Variants in GYPB observed in about 807,000 individuals in gnomAD.
GYPB encodes the protein glycophorin-B.
GYPB carries 13 observed loss-of-function variants against 15.3 expected under a neutral mutation model. The ratio of observed to expected loss-of-function variants is 0.85; its 90% CI spans 0.55 to 1.35. GYPB has a LOEUF of 1.35. Among genes scored for constraint, GYPB ranks in the 40% most tolerant of loss-of-function variants. The pLI is 0.00. For synonymous variants in GYPB, 38 were observed against 36.9 expected (o/e 1.03, Z -0.11); for missense variants, 131 against 108.3 (o/e 1.21, Z -0.93).
At chr4:144,011,954 G>A (rs542884449) in intron 1 of GYPB, among the ~76,000 whole-genome samples, 183 of 152,152 alleles carry the variant, frequency 1.2e-3, no homozygotes, top group Non-Finnish European at 2.1e-3. Flanking sequence ...TACTATTCAT[G>A]TTTTATGTTT....
rs1274058994 is a variant in GYPB at position 144,001,503 on chromosome 4, GTA to G, written c.38-222_38-221del. On this transcript the variant is annotated intron_variant, in intron 1 of 4. Coordinates refer to ENST00000502664, the MANE Select transcript of GYPB (RefSeq NM_002100.6). The stretch of plus-strand genomic sequence containing the variant: ...GGCCAGAAGCCCCTCCAGAATTTTT[GTA>G]CAGCAGAGGTTTACAGATAAAGTGT... Among the ~76,000 whole-genome samples, 9 of 151,470 alleles carry G rather than the reference GTA, an allele frequency of 5.9e-5. No homozygotes were observed. The East Asian group carries it at 1.4e-3, about 23-fold the overall frequency.
At chr4:143,999,777 G>A (rs1451859926) in intron 2 of GYPB, among the ~76,000 whole-genome samples, 2 of 151,350 alleles carry the variant, frequency 1.3e-5, no homozygotes, top group African/African-American at 4.9e-5. Context: ...TTTAAAACAT[G>A]TAAAAAATAA....
At chr4:143,997,699 A>T (rs1176046410) in intron 3 of GYPB, 65 bp from the exon 4 acceptor site, 2 of 831,450 alleles carry the variant, frequency 2.4e-6, no homozygotes, top group African/African-American at 3.4e-5. Flanking sequence ...GAAAAATAAG[A>T]CAGATAACAT....
chr4:143,998,987 T>C (rs1727465956), intron 3 of GYPB, among the ~76,000 whole-genome samples: 1 of 151,000 alleles, frequency 6.6e-6, no homozygotes, highest in Admixed American at 6.6e-5. Context: ...AGCCTCAAAC[T>C]CCCAGGCTCA....
chr4:144,005,225 C>G (rs1727843641), intron 1 of GYPB, among the ~76,000 whole-genome samples: 1 of 151,956 alleles, frequency 6.6e-6, no homozygotes, highest in South Asian at 2.1e-4. Context: ...AATTAAATGA[C>G]TAGCTCAGAT....
chr4:144,013,068 C>G (rs541402484), intron 1 of GYPB, among the ~76,000 whole-genome samples: 1 of 151,426 alleles, frequency 6.6e-6, no homozygotes, highest in African/African-American at 2.5e-5. Flanking sequence ...ACTCTTTATC[C>G]AGAACATAGA....
intron 1 of GYPB, among the ~76,000 whole-genome samples, chr4:144,017,461 A>G (rs1202447456): frequency 6.7e-6 from 1 of 149,754 alleles, no homozygotes; most frequent in Non-Finnish European, 1.5e-5. Context: ...GGCCACATCC[A>G]GAGAGTTTCC....
At chr4:144,013,616 G>T (rs1467757080) in intron 1 of GYPB, among the ~76,000 whole-genome samples, 3 of 151,114 alleles carry the variant, frequency 2.0e-5, no homozygotes, top group African/African-American at 7.4e-5. Context: ...CATGTCCTTT[G>T]TAGGGACATG....
intron 1 of GYPB, chr4:144,002,827 A>G (rs1330048800): frequency 1.1e-5 from 5 of 439,134 alleles, no homozygotes; most frequent in African/African-American, 6.3e-5. Context: ...CATGGAGAAG[A>G]CATGATCTAT....
At chr4:144,002,211 T>A (rs574101481) in intron 1 of GYPB, among the ~76,000 whole-genome samples, 2 of 151,430 alleles carry the variant, frequency 1.3e-5, no homozygotes, top group South Asian at 2.1e-4. Flanking sequence ...AAGCACAAAG[T>A]ATAATATAAA....
rs1579070044 is a variant in GYPB, at chr4:144,014,185, T to C, written c.37+5066A>G. On this transcript the variant is annotated intron_variant, in intron 1 of 4. Coordinates refer to ENST00000502664, the MANE Select transcript of GYPB (RefSeq NM_002100.6). ...AAGGTGCAGCTCCTGTGGAAAAGAGTTGAGCAGTTCCTTAGTAAGTTAAAC... is the reference window on the plus strand; with the variant it reads ...AAGGTGCAGCTCCTGTGGAAAAGAGCTGAGCAGTTCCTTAGTAAGTTAAAC... Among the ~76,000 whole-genome samples the C allele has an allele frequency of 5.9e-5, 9 of 151,888 alleles. No individual in the cohort carries two copies. The South Asian group carries it at 1.9e-3, about 31-fold the overall frequency.
intron 1 of GYPB, among the ~76,000 whole-genome samples, chr4:144,005,173 T>C (rs1330703620): frequency 6.6e-6 from 1 of 151,962 alleles, no homozygotes; most frequent in Non-Finnish European, 1.5e-5. Context: ...GCACATCTAA[T>C]CCAAATTGCC....
intron 2 of GYPB, among the ~76,000 whole-genome samples, 180 bp downstream of exon 2, chr4:144,001,005 A>T (rs966234107): frequency 6.6e-6 from 1 of 151,336 alleles, no homozygotes; most frequent in Non-Finnish European, 1.5e-5. Context: ...TTTCTGTGAG[A>T]TATTTCAGAG....
chr4:143,999,659 A>G (rs1369030945), intron 2 of GYPB, among the ~76,000 whole-genome samples: 2 of 151,500 alleles, frequency 1.3e-5, no homozygotes, highest in Non-Finnish European at 2.9e-5. Context: ...TAATGACCCA[A>G]CACGTATTCA....
At chr4:144,000,606 A>G in intron 2 of GYPB, 1 of 303,014 alleles carries the variant, frequency 3.3e-6, no homozygotes, top group South Asian at 3.2e-5. Flanking sequence ...CTCCCCTGAA[A>G]ACTAACAAGA....
At chr4:144,011,309 G>A (rs1728208496) in intron 1 of GYPB, among the ~76,000 whole-genome samples, 1 of 151,356 alleles carries the variant, frequency 6.6e-6, no homozygotes, top group South Asian at 2.1e-4. Context: ...GAACCCGGGA[G>A]GCAGAGGTTG....
intron 1 of GYPB, among the ~76,000 whole-genome samples, chr4:144,015,956 G>GTCATTTC (rs1367065103): frequency 2.0e-5 from 3 of 150,996 alleles, no homozygotes; most frequent in African/African-American, 7.4e-5. Flanking sequence ...TTTGTCATTT[G>GTCATTTC]TCATTTTGAG....
Position 144,000,472 on chromosome 4 carries a change from T to G in GYPB, c.136+713A>C, listed in dbSNP as rs111843057. 883 of 1,032,146 alleles carry G rather than the reference T, an allele frequency of 8.6e-4. 43 individuals are homozygous for G. In the African/African-American group the frequency reaches 0.012, roughly 13 times the overall value. The allele number at this position is 1,032,146 out of a possible 1,614,324, so 63.9% of individuals were successfully genotyped here. On this transcript the variant is annotated intron_variant, in intron 2 of 4. Transcript: ENST00000502664. ...AGCTGGACATGTGTCCCGTTTGTGC[T>G]TATCTGCATATAAGAGAAGTTGAGA...
intron 1 of GYPB, among the ~76,000 whole-genome samples, chr4:144,002,316 C>A (rs1579052285): frequency 6.6e-6 from 1 of 151,320 alleles, no homozygotes; most frequent in African/African-American, 2.5e-5. Flanking sequence ...AATATGGGAT[C>A]ATGGTGTTTA....
Sources: allele counts gnomAD v4.1 joint callset (sites outside exome capture counted in the v4.1 genomes callset), GRCh38; gene constraint gnomAD v4.1.1; transcripts MANE v1.5; gene names NCBI Gene and HGNC (gene_info 2026-07-23, HGNC 2026-07-21).